Variants in SSPN observed in about 807,000 individuals in gnomAD.
The protein encoded by SSPN is K-ras oncogene-associated protein.
A neutral mutation model predicts 19.1 loss-of-function variants in SSPN; 15 were observed. The observed-to-expected ratio is 0.78, with a 90% confidence interval of 0.52 to 1.21. The LOEUF (loss-of-function observed/expected upper bound fraction) is 1.21, where lower values mean the gene tolerates loss of function less well. Ranked by LOEUF, SSPN falls within the 50% of genes most tolerant of loss-of-function variation. The pLI, the probability that SSPN is intolerant of heterozygous loss-of-function variation, is 0.00. For missense variants in SSPN, 291 were observed against 314.0 expected (o/e 0.93, Z 0.55); for synonymous variants, 147 against 140.3 (o/e 1.05, Z -0.34).
intron 1 of SSPN, among the ~76,000 whole-genome samples, chr12:26,155,309 A>G (rs530359306): frequency 6.6e-6 from 1 of 152,350 alleles, no homozygotes; most frequent in African/African-American, 2.4e-5. Context: ...GTGAAAATTA[A>G]AGAAGAAACA....
At chr12:26,155,327 A>G (rs1944549600) in intron 1 of SSPN, among the ~76,000 whole-genome samples, 1 of 152,232 alleles carries the variant, frequency 6.6e-6, no homozygotes, top group Admixed American at 6.5e-5. Context: ...ACAATTACCA[A>G]CACAGAAAGG....
chr12:26,200,869 T>G (rs562027563), intron 1 of SSPN, among the ~76,000 whole-genome samples: 5 of 151,680 alleles, frequency 3.3e-5, no homozygotes, highest in East Asian at 1.9e-4. Flanking sequence ...TGAGGAGAGA[T>G]AATTACATGG....
chr12:26,152,672 A>C (rs572183592), intron 1 of SSPN, among the ~76,000 whole-genome samples: 4 of 152,264 alleles, frequency 2.6e-5, no homozygotes, highest in South Asian at 2.1e-4. Flanking sequence ...AATAGCCTCT[A>C]GTTGTTCTCC....
chr12:26,213,303 T>C (rs1945011802), intron 1 of SSPN, among the ~76,000 whole-genome samples: 1 of 152,094 alleles, frequency 6.6e-6, no homozygotes, highest in African/African-American at 2.4e-5. Context: ...TTATAACTCT[T>C]AGGTATTTGC....
chr12:26,169,914 C>G (rs1203447068), intron 1 of SSPN, among the ~76,000 whole-genome samples: 2 of 152,170 alleles, frequency 1.3e-5, no homozygotes, highest in Non-Finnish European at 2.9e-5. Context: ...CTAGAAAATG[C>G]TCTAGCCTTT....
rs370757535 is a variant in SSPN at position 26,232,770 on chromosome 12, G to A, written c.*1694G>A. ...CAGATGTTAAACCTTTTAATGTTTTGATTTGCTTTAAAAATGGCCTTCCTA... is the reference window on the plus strand; with the variant it reads ...CAGATGTTAAACCTTTTAATGTTTTAATTTGCTTTAAAAATGGCCTTCCTA... On this transcript the variant is annotated 3_prime_UTR_variant, in exon 3 of 3. Coordinates refer to ENST00000242729, the MANE Select transcript of SSPN (RefSeq NM_005086.5). 110 of 969,224 alleles carry A rather than the reference G, an allele frequency of 1.1e-4. No homozygotes were observed. The African/African-American group carries it at 1.6e-3, about 14-fold the overall frequency. 60.0% of individuals were successfully genotyped at this position (969,224 alleles called of 1,614,324 possible).
At chr12:26,154,257 T>A (rs1390438425) in intron 1 of SSPN, among the ~76,000 whole-genome samples, 2 of 152,248 alleles carry the variant, frequency 1.3e-5, no homozygotes, top group Non-Finnish European at 2.9e-5. Flanking sequence ...TCGGTTGATC[T>A]GGAATACCAA....
chr12:26,230,717 T>C lies in SSPN; in HGVS notation c.373T>C (p.Tyr125His). The change falls in exon 3 of 3, where the codon TAC becomes CAC. Residue 125 changes from tyrosine to histidine, a missense_variant. Coordinates refer to ENST00000242729, the MANE Select transcript of SSPN (RefSeq NM_005086.5). Reference protein sequence around the residue: ...TCIQFSMKLLYFLLSALGLTV... With the variant: ...TCIQFSMKLLHFLLSALGLTV... ...TTCTTCTGCTTTCTTGCAGCTGTTA[T>C]ACTTTCTGCTGAGTGCCCTGGGCCT... 1 of 1,607,382 alleles carries C rather than the reference T, an allele frequency of 6.2e-7. No individual in the cohort carries two copies. Among genetic ancestry groups the C allele is most frequent in the Non-Finnish European group, 8.5e-7 (1 of 1,175,238 alleles).
intron 1 of SSPN, among the ~76,000 whole-genome samples, chr12:26,175,061 C>T (rs1944675954): frequency 6.6e-6 from 1 of 152,130 alleles, no homozygotes; most frequent in Non-Finnish European, 1.5e-5. Context: ...TGGGTGTAGG[C>T]TTTTACTTAT....
At position 26,231,063 on chromosome 12, in the gene SSPN, A is replaced by C. The variant is rs1453313922; in HGVS notation, c.719A>C (p.Gln240Pro). 2 of 1,613,004 alleles carry C rather than the reference A, an allele frequency of 1.2e-6. No homozygotes were observed. The highest frequency in any genetic ancestry group is 2.7e-5 in the African/African-American group (2 of 74,888). Residue 240 changes from glutamine (Q) to proline (P), a missense_variant, in exon 3 of 3, where the codon CAG becomes CCG. By Grantham distance (76) the Gln-to-Pro change is moderately conservative. Transcript: ENST00000242729. ...ICSLTASEGP[Q>P]QKI is the part of the protein sequence containing the mutation. ...TCCCTCACGGCTTCCGAAGGCCCCC[A>C]GCAAAAGATCTAACATTCTTGCTCA...
chr12:26,146,823 A>AAAAAAAAAAAAG (rs1258619239), intron 1 of SSPN, among the ~76,000 whole-genome samples: 1 of 151,650 alleles, frequency 6.6e-6, no homozygotes, highest in Non-Finnish European at 1.5e-5. Flanking sequence ...CTGTCTAAAA[A>AAAAAAAAAAAAG]AAAAAAAGAA....
In SSPN at chr12:26,231,027, T is replaced by C; in HGVS notation, c.683T>C (p.Val228Ala). 1 of 1,614,172 alleles carries C rather than the reference T, an allele frequency of 6.2e-7. No homozygotes were observed. Reference protein sequence around the residue: ...KHRYQVFYVGVRICSLTASEG... With the variant: ...KHRYQVFYVGARICSLTASEG... Reference sequence around the variant, plus strand: ...AGGTACCAGGTCTTCTATGTGGGTGTCAGGATATGCTCCCTCACGGCTTCC... The same window carrying C: ...AGGTACCAGGTCTTCTATGTGGGTGCCAGGATATGCTCCCTCACGGCTTCC... Residue 228 changes from valine to alanine, a missense_variant, in exon 3 of 3, where the codon GTC becomes GCC. Val to Ala is a moderately conservative substitution (Grantham distance 64, BLOSUM62 0). Transcript: ENST00000242729.
At chr12:26,178,723 T>G (rs1077584) in intron 1 of SSPN, among the ~76,000 whole-genome samples, 28,496 of 152,084 alleles carry the variant, frequency 0.19, 4,307 homozygotes, top group African/African-American at 0.41. Context: ...GCCCTTGTGG[T>G]CACAGCATCT....
At chr12:26,207,131 C>G (rs1053174699) in intron 1 of SSPN, among the ~76,000 whole-genome samples, 1 of 152,162 alleles carries the variant, frequency 6.6e-6, no homozygotes, top group Non-Finnish European at 1.5e-5. Context: ...AGGAATGACT[C>G]CAGCTTTGGA....
At chr12:26,137,706 C>T (rs2729628) in intron 1 of SSPN, among the ~76,000 whole-genome samples, 80,974 of 122,250 alleles carry the variant, frequency 0.66, 29,386 homozygotes, top group East Asian at 0.91. Context: ...GCTCTGTTGC[C>T]TAGGCTGGAG....
At chr12:26,156,400 T>C (rs1354351367) in intron 1 of SSPN, among the ~76,000 whole-genome samples, 1 of 152,006 alleles carries the variant, frequency 6.6e-6, no homozygotes, top group Non-Finnish European at 1.5e-5. Context: ...AATGGTGGGG[T>C]AAAGATGCAA....
chr12:26,136,983 T>C (rs945001235), intron 1 of SSPN, among the ~76,000 whole-genome samples: 1 of 152,222 alleles, frequency 6.6e-6, no homozygotes, highest in African/African-American at 2.4e-5. Flanking sequence ...GTTTCAAACT[T>C]TGTTAGCTGG....
At chr12:26,148,552 G>A (rs2343074) in intron 1 of SSPN, among the ~76,000 whole-genome samples, 120,857 of 152,108 alleles carry the variant, frequency 0.79, 52,684 homozygotes, top group Non-Finnish European at 0.96. Context: ...AGCAGGCCGT[G>A]ATTCCTCTAC....
At chr12:26,146,126 G>A (rs1317895834) in intron 1 of SSPN, among the ~76,000 whole-genome samples, 1 of 152,220 alleles carries the variant, frequency 6.6e-6, no homozygotes, top group African/African-American at 2.4e-5. Flanking sequence ...GACAAGTGAA[G>A]AGAAGGGTGG....
Sources: allele counts gnomAD v4.1 joint callset (sites outside exome capture counted in the v4.1 genomes callset), GRCh38; gene constraint gnomAD v4.1.1; transcripts MANE v1.5; gene names NCBI Gene and HGNC (gene_info 2026-07-23, HGNC 2026-07-21).